The following AUTS2 variants were observed in gnomAD, a reference collection of about 807,000 sequenced individuals.
The protein encoded by AUTS2 is activator of transcription and developmental regulator AUTS2.
A neutral mutation model predicts 112.4 loss-of-function variants in AUTS2; 17 were observed. The ratio of observed to expected loss-of-function variants is 0.15; its 90% CI spans 0.10 to 0.23. AUTS2 has a LOEUF of 0.23. Ranked by LOEUF, AUTS2 falls within the 10% of genes least tolerant of loss-of-function variation. AUTS2 has a pLI of 1.00. For missense variants in AUTS2, 1,510 were observed against 1,701.6 expected, an observed-to-expected ratio of 0.89 and a Z score of 1.98; for synonymous variants, 751 against 702.7, an observed-to-expected ratio of 1.07 and a Z score of -1.09.
chr7:70,213,891 G>C (rs1013480667), intron 4 of AUTS2, among the ~76,000 whole-genome samples: 1 of 152,076 alleles, frequency 6.6e-6, no homozygotes. Context: ...TGTAATTGTC[G>C]TACATACAAT....
chr7:70,519,624 C>G (rs994481210), intron 5 of AUTS2, among the ~76,000 whole-genome samples: 2 of 152,112 alleles, frequency 1.3e-5, no homozygotes, highest in African/African-American at 2.4e-5. Flanking sequence ...CTTTTATGGA[C>G]AAATAGCTTC....
chr7:70,587,159 A>C (rs865881801), intron 5 of AUTS2, among the ~76,000 whole-genome samples: 2 of 152,114 alleles, frequency 1.3e-5, no homozygotes, highest in South Asian at 4.2e-4. Context: ...TCACTGCAGC[A>C]TCAACCCCCC....
chr7:70,302,898 A>G (rs13242322), intron 4 of AUTS2, among the ~76,000 whole-genome samples: 1 of 151,346 alleles, frequency 6.6e-6, no homozygotes, highest in African/African-American at 2.4e-5. Context: ...TTTTTCCTGA[A>G]AGATCTTCTT....
At chr7:70,662,716 C>T (rs1807134777) in intron 5 of AUTS2, among the ~76,000 whole-genome samples, 1 of 152,204 alleles carries the variant, frequency 6.6e-6, no homozygotes, top group Non-Finnish European at 1.5e-5. Flanking sequence ...CACCTCATTA[C>T]AAGATTGGGA....
chr7:70,227,407 C>T (rs1811822766), intron 4 of AUTS2, among the ~76,000 whole-genome samples: 1 of 151,790 alleles, frequency 6.6e-6, no homozygotes, highest in South Asian at 2.1e-4. Flanking sequence ...CCATGTTAAG[C>T]ATATAATTCA....
chr7:69,873,205 C>A (rs1210728756), intron 1 of AUTS2, among the ~76,000 whole-genome samples: 1 of 152,052 alleles, frequency 6.6e-6, no homozygotes, highest in Admixed American at 6.6e-5. Context: ...TTTATAAGTT[C>A]AGAGAACTAG....
chr7:69,745,577 T>C (rs1327784807), intron 1 of AUTS2, among the ~76,000 whole-genome samples: 1 of 152,230 alleles, frequency 6.6e-6, no homozygotes, highest in Non-Finnish European at 1.5e-5. Context: ...TCTCCTTGGC[T>C]AGACTAATAT....
At chr7:70,396,824 C>T (rs1300571406) in intron 4 of AUTS2, among the ~76,000 whole-genome samples, 1 of 151,742 alleles carries the variant, frequency 6.6e-6, no homozygotes, top group Non-Finnish European at 1.5e-5. Context: ...ACAAATAAAG[C>T]TGCTGTGAAC....
At chr7:70,117,137 G>GTTTTTTT (rs541747935) in intron 2 of AUTS2, among the ~76,000 whole-genome samples, 1 of 61,998 alleles carries the variant, frequency 1.6e-5, no homozygotes, top group African/African-American at 5.8e-5. Context: ...GTTTTTTTTT[G>GTTTTTTT]TTTTTTTTTT....
intron 4 of AUTS2, among the ~76,000 whole-genome samples, chr7:70,409,774 G>A (rs1175094363): frequency 6.6e-6 from 1 of 152,176 alleles, no homozygotes; most frequent in Non-Finnish European, 1.5e-5. Flanking sequence ...AGTGACTGGT[G>A]TGACTTAGTG....
intron 1 of AUTS2, among the ~76,000 whole-genome samples, chr7:69,754,509 G>T (rs528400882): frequency 6.6e-6 from 1 of 152,208 alleles, no homozygotes; most frequent in South Asian, 2.1e-4. Flanking sequence ...ATTTTCAGGG[G>T]TTTCATTTGC....
Position 69,618,928 on chromosome 7 carries a change from T to A in AUTS2, c.309+18966T>A, listed in dbSNP as rs2129088427. On this transcript the variant is annotated intron_variant, in intron 1 of 18. Coordinates refer to ENST00000342771, the MANE Select transcript of AUTS2 (RefSeq NM_015570.4). Reference sequence around the variant, plus strand: ...CCCTGGGGAGCTTTAAAAAAGTCCTTGTACCTCTGGGAGGGTGCAGGAAGC... The same window carrying A: ...CCCTGGGGAGCTTTAAAAAAGTCCTAGTACCTCTGGGAGGGTGCAGGAAGC... Among the ~76,000 whole-genome samples, 2 of 152,214 alleles carry A rather than the reference T, an allele frequency of 1.3e-5. 1 individual carries two copies. Among genetic ancestry groups the A allele is most frequent in the East Asian group, 3.9e-4 (2 of 5,172 alleles).
chr7:70,181,941 G>A (rs1809333924), intron 4 of AUTS2, among the ~76,000 whole-genome samples: 2 of 151,894 alleles, frequency 1.3e-5, no homozygotes, highest in South Asian at 4.2e-4. Flanking sequence ...GGGATTACAG[G>A]CACCCGCCAC....
intron 1 of AUTS2, among the ~76,000 whole-genome samples, chr7:69,619,253 A>G (rs555378618): frequency 2.0e-5 from 3 of 152,278 alleles, no homozygotes; most frequent in South Asian, 4.1e-4. Flanking sequence ...TTACATATTC[A>G]TTACAAAGCA....
intron 4 of AUTS2, among the ~76,000 whole-genome samples, chr7:70,306,207 A>T (rs184491497): frequency 6.6e-6 from 1 of 152,338 alleles, no homozygotes; most frequent in African/African-American, 2.4e-5. Context: ...CATTGACCCT[A>T]GAGAAGCTTG....
intron 2 of AUTS2, among the ~76,000 whole-genome samples, chr7:69,917,670 C>T (rs908236937): frequency 1.3e-5 from 2 of 152,108 alleles, no homozygotes; most frequent in Admixed American, 1.3e-4. Flanking sequence ...TCACTCTGCC[C>T]TCTTCTGAGT....
chr7:70,674,382 C>T (rs1428403945), intron 5 of AUTS2, among the ~76,000 whole-genome samples: 2 of 152,180 alleles, frequency 1.3e-5, no homozygotes, highest in Non-Finnish European at 2.9e-5. Flanking sequence ...AATCACTTGT[C>T]AGAAAATGAG....
intron 5 of AUTS2, among the ~76,000 whole-genome samples, chr7:70,455,974 C>T (rs981039187): frequency 6.6e-6 from 1 of 152,180 alleles, no homozygotes; most frequent in African/African-American, 2.4e-5. Flanking sequence ...TGAGCTTTGT[C>T]AGTCACCTAC....
At chr7:70,603,413 T>C (rs1298424001) in intron 5 of AUTS2, among the ~76,000 whole-genome samples, 1 of 152,170 alleles carries the variant, frequency 6.6e-6, no homozygotes, top group African/African-American at 2.4e-5. Context: ...TTGAAGAGGC[T>C]TCTTGGCCAG....
Sources: allele counts gnomAD v4.1 joint callset (sites outside exome capture counted in the v4.1 genomes callset), GRCh38; gene constraint gnomAD v4.1.1; transcripts MANE v1.5; gene names NCBI Gene and HGNC (gene_info 2026-07-23, HGNC 2026-07-21).